The following ANKRD33B variants were observed in gnomAD, a reference collection of about 807,000 sequenced individuals.
ANKRD33B encodes the protein ankyrin repeat domain-containing protein 33B.
In ANKRD33B, 6 loss-of-function variants were observed where a neutral mutation model predicts 21.5. The observed-to-expected ratio is 0.28, with a 90% confidence interval of 0.15 to 0.55. The LOEUF (loss-of-function observed/expected upper bound fraction) is 0.55. ANKRD33B is among the 20% of genes least tolerant of loss of function. The pLI, the probability that ANKRD33B is intolerant of heterozygous loss-of-function variation, is 0.94. For synonymous variants in ANKRD33B, 347 were observed against 342.4 expected (o/e 1.01, Z -0.15); for missense variants, 698 against 747.2 (o/e 0.93, Z 0.77).
At chr5:10,585,782 G>A (rs781047442) in intron 1 of ANKRD33B, among the ~76,000 whole-genome samples, 25 of 152,210 alleles carry the variant, frequency 1.6e-4, no homozygotes, top group Non-Finnish European at 2.5e-4. Context: ...TGGGGTCATG[G>A]CCTCATGGCC....
chr5:10,657,745 T>C lies in ANKRD33B; in HGVS notation c.*7632T>C, dbSNP rs1424557462. The C allele has an allele frequency of 6.6e-6, 1 of 152,268 alleles. No individual in the cohort carries two copies. Among genetic ancestry groups the C allele is most frequent in the Non-Finnish European group, 1.5e-5 (1 of 68,016 alleles). 9.4% of individuals were successfully genotyped at this position (152,268 alleles called of 1,614,324 possible). On this transcript the variant is annotated 3_prime_UTR_variant, in exon 4 of 4. Coordinates refer to ENST00000296657, the MANE Select transcript of ANKRD33B (RefSeq NM_001164440.2). ...TTATGTATCTAATGTTTAAAAAATA[T>C]GGAAAAAAGGGATAATGTAAAAATG...
chr5:10,649,832 CG>C lies in ANKRD33B; in HGVS notation c.1206del (p.Lys403ArgfsTer173). The C allele has an allele frequency of 7.2e-7, 1 of 1,392,876 alleles. No homozygotes were observed. Among genetic ancestry groups the C allele is most frequent in the Non-Finnish European group, 9.3e-7 (1 of 1,078,910 alleles). 86.3% of individuals were successfully genotyped at this position (1,392,876 alleles called of 1,614,324 possible). A position where few individuals can be genotyped will look rare whatever the true frequency, so the allele number is the denominator to read the frequency against. Reference protein sequence around the residue: ...GSRGPAAPAPRKASLLPLQRL... With the variant: ...GSRGPAAPAPXKASLLPLQRL... ...CCGGGGCCCCGCAGCGCCCGCCCCG[CG>C]GAAGGCCAGCCTCCTGCCCCTGCAG... On this transcript the variant is annotated frameshift_variant, in exon 4 of 4. Coordinates refer to ENST00000296657, the MANE Select transcript of ANKRD33B (RefSeq NM_001164440.2). LOFTEE classifies it high-confidence loss of function.
At chr5:10,569,007 C>G (rs1366703188) in intron 1 of ANKRD33B, among the ~76,000 whole-genome samples, 1 of 152,094 alleles carries the variant, frequency 6.6e-6, no homozygotes, top group African/African-American at 2.4e-5. Flanking sequence ...TAGCGATGAT[C>G]AGGGCTTTAT....
intron 2 of ANKRD33B, among the ~76,000 whole-genome samples, chr5:10,635,091 G>A (rs1331656345): frequency 6.6e-6 from 1 of 152,004 alleles, no homozygotes; most frequent in Non-Finnish European, 1.5e-5. Context: ...ACGCAGAACA[G>A]ATCTATATAA....
chr5:10,576,545 C>T lies in ANKRD33B; in HGVS notation c.366+11712C>T, dbSNP rs1223216530. Among the ~76,000 whole-genome samples, 1 of 152,152 alleles carries T rather than the reference C, an allele frequency of 6.6e-6. No homozygotes were observed. The highest frequency in any genetic ancestry group is 1.5e-5 in the Non-Finnish European group (1 of 68,022). ...TGATCTTTAGTTTCCTTTAGATACC[C>T]ATCTAGAAACTGGGAGGCTTACTAT... On this transcript the variant is annotated intron_variant, in intron 1 of 3. Coordinates refer to ENST00000296657, the MANE Select transcript of ANKRD33B (RefSeq NM_001164440.2). The surrounding 1 kb of genome is among the most constrained non-coding windows in gnomAD (Gnocchi z 4.1).
intron 1 of ANKRD33B, among the ~76,000 whole-genome samples, chr5:10,566,019 C>CCAAT (rs1310923715): frequency 2.0e-5 from 3 of 152,180 alleles, no homozygotes; most frequent in Non-Finnish European, 4.4e-5. Context: ...GGGAAGCCCT[C>CCAAT]CAATGTCACT....
At chr5:10,649,059 G>A (rs1579761881) in intron 3 of ANKRD33B, among the ~76,000 whole-genome samples, 3 of 152,126 alleles carry the variant, frequency 2.0e-5, no homozygotes, top group South Asian at 4.1e-4. Context: ...GCTACAGTAG[G>A]ACGTGTTCCC....
intron 1 of ANKRD33B, among the ~76,000 whole-genome samples, chr5:10,602,315 G>A (rs1260929084): frequency 6.6e-6 from 1 of 152,220 alleles, no homozygotes; most frequent in Admixed American, 6.5e-5. Flanking sequence ...TTTCTAACAC[G>A]CTCCCAGGGG....
At position 10,649,289 on chromosome 5, in the gene ANKRD33B, C is replaced by T. The variant is rs1445141410; in HGVS notation, c.661C>T (p.Pro221Ser). 1.3e-6 allele frequency: 2 copies of T among 1,527,234 alleles called. No individual in the cohort carries two copies. The highest frequency in any genetic ancestry group is 1.8e-6 in the Non-Finnish European group (2 of 1,141,196). The allele number at this position is 1,527,234 out of a possible 1,614,324, so 94.6% of individuals were successfully genotyped here. ...LAGADVHARD[P>S]RRGMSPQEWA... is the part of the protein sequence containing the mutation. Reference sequence around the variant, plus strand: ...AGGGGCGGATGTCCACGCGAGGGACCCCCGCCGTGGGATGTCGCCGCAGGA... The same window carrying T: ...AGGGGCGGATGTCCACGCGAGGGACTCCCGCCGTGGGATGTCGCCGCAGGA... The change falls in exon 4 of 4, where the codon CCC becomes TCC. Residue 221 changes from proline (P) to serine (S), a missense_variant. By Grantham distance (74) the Pro-to-Ser change is moderately conservative (BLOSUM62 -1). Around this residue, in one of 3 missense-constraint regions of ANKRD33B, gnomAD observed 543 missense variants for 566.5 expected, o/e 0.96. Transcript: ENST00000296657.
At chr5:10,640,017 CGCGGCGATG>C (rs1736999413) in intron 3 of ANKRD33B, among the ~76,000 whole-genome samples, 1 of 85,732 alleles carries the variant, frequency 1.2e-5, no homozygotes, top group African/African-American at 4.0e-5. Flanking sequence ...CGTGGAGTTG[CGCGGCGATG>C]TTAGCGGGTG....
At chr5:10,617,124 C>T (rs1157695514) in intron 1 of ANKRD33B, among the ~76,000 whole-genome samples, 1 of 152,228 alleles carries the variant, frequency 6.6e-6, no homozygotes, top group Non-Finnish European at 1.5e-5. Flanking sequence ...AATCACCCCA[C>T]CAAAGCCCCA....
chr5:10,584,008 C>T (rs1041383582), intron 1 of ANKRD33B, among the ~76,000 whole-genome samples: 4 of 152,136 alleles, frequency 2.6e-5, no homozygotes, highest in Non-Finnish European at 5.9e-5. Flanking sequence ...GACATCCTGC[C>T]ACGTTTACCC....
Position 10,564,354 on chromosome 5 carries a change from G to A in ANKRD33B, c.-114G>A, listed in dbSNP as rs1423871747. ...CGGTTTCCGCCGAGCTGGAGCGCGC[G>A]GGCCACGGCTTCTCTGGGGACGCAG... On this transcript the variant is annotated 5_prime_UTR_variant, in exon 1 of 4. Coordinates refer to ENST00000296657, the MANE Select transcript of ANKRD33B (RefSeq NM_001164440.2). 1.3e-5 allele frequency: 10 copies of A among 743,886 alleles called. No individual in the cohort carries two copies. The highest frequency in any genetic ancestry group is 1.3e-5 in the Non-Finnish European group (8 of 605,338). 46.1% of individuals were successfully genotyped at this position (743,886 alleles called of 1,614,324 possible).
chr5:10,570,499 ATGCTTCAGCTTGG>A (rs2126543781), intron 1 of ANKRD33B, among the ~76,000 whole-genome samples: 1 of 150,540 alleles, frequency 6.6e-6, no homozygotes, highest in African/African-American at 2.4e-5. Flanking sequence ...TGGCCTCATG[ATGCTTCAGCTTGG>A]CTGAAGCATC....
intron 1 of ANKRD33B, among the ~76,000 whole-genome samples, chr5:10,580,877 A>G (rs1199693019): frequency 6.6e-6 from 1 of 151,710 alleles, no homozygotes; most frequent in Admixed American, 6.6e-5. Flanking sequence ...ACATATTTAG[A>G]TCCCTCCTGT....
chr5:10,630,847 T>C (rs1736693042), intron 2 of ANKRD33B, among the ~76,000 whole-genome samples: 1 of 142,016 alleles, frequency 7.0e-6, no homozygotes, highest in African/African-American at 2.6e-5. Context: ...CACTCCAGCC[T>C]AGGTGACAGA....
intron 1 of ANKRD33B, among the ~76,000 whole-genome samples, chr5:10,585,783 C>T (rs747994209): frequency 1.3e-5 from 2 of 152,218 alleles, no homozygotes; most frequent in Non-Finnish European, 2.9e-5. Flanking sequence ...GGGGTCATGG[C>T]CTCATGGCCA....
At chr5:10,617,927 G>A (rs1305022399) in intron 1 of ANKRD33B, among the ~76,000 whole-genome samples, 2 of 152,078 alleles carry the variant, frequency 1.3e-5, no homozygotes, top group African/African-American at 4.8e-5. Context: ...CATCACCTCT[G>A]CCAAGCCCAG....
At chr5:10,626,137 G>A (rs921219533) in intron 2 of ANKRD33B, among the ~76,000 whole-genome samples, 2 of 152,218 alleles carry the variant, frequency 1.3e-5, no homozygotes, top group Non-Finnish European at 2.9e-5. Flanking sequence ...AGGGCCAGAT[G>A]TCCCGCTCCT....
Sources: allele counts gnomAD v4.1 joint callset (sites outside exome capture counted in the v4.1 genomes callset), GRCh38; gene constraint gnomAD v4.1.1; regional missense constraint gnomAD v4.1.1; non-coding constraint Gnocchi (gnomAD v3.1); transcripts MANE v1.5; gene names NCBI Gene and HGNC (gene_info 2026-07-23, HGNC 2026-07-21).